The following TRPM8 variants were observed in gnomAD, a reference collection of about 807,000 sequenced individuals.
TRPM8 encodes the protein TRPM8 cationic channel.
In TRPM8, 110 loss-of-function variants were observed where a neutral mutation model predicts 133.7. The ratio of observed to expected loss-of-function variants is 0.82; its 90% CI spans 0.70 to 0.96. The LOEUF (loss-of-function observed/expected upper bound fraction) is 0.96. Among genes scored for constraint, TRPM8 ranks in the 40% least tolerant of loss-of-function variants. The pLI is 0.00. For synonymous variants in TRPM8, 535 were observed against 532.3 expected (o/e 1.01, Z -0.07); for missense variants, 1,291 against 1,379.5 (o/e 0.94, Z 1.02).
At chr2:233,970,512 G>A in intron 17 of TRPM8, 86 bp downstream of exon 17, 1 of 1,327,578 alleles carries the variant, frequency 7.5e-7, no homozygotes, top group Non-Finnish European at 1.1e-6. Flanking sequence ...AGTTGCTTCT[G>A]AAGTTCAAAA....
chr2:233,946,059 A>C (rs1691036548), intron 7 of TRPM8, 29 bp downstream of exon 7: 1 of 1,600,200 alleles, frequency 6.2e-7, no homozygotes. Flanking sequence ...GGACACTAGA[A>C]GTGTACAATA....
intron 11 of TRPM8, among the ~76,000 whole-genome samples, chr2:233,959,018 C>A (rs931067358): frequency 2.8e-5 from 4 of 140,352 alleles, no homozygotes; most frequent in African/African-American, 8.0e-5. Context: ...CTGGTTTTTA[C>A]TCTTTTCTTG....
intron 21 of TRPM8, among the ~76,000 whole-genome samples, chr2:233,986,840 A>G (rs561838848): frequency 1.3e-5 from 2 of 152,350 alleles, no homozygotes; most frequent in Admixed American, 1.3e-4. Flanking sequence ...CAGAGAAAGA[A>G]AAGTCCAATG....
intron 23 of TRPM8, 66 bp from the exon 24 acceptor site, chr2:234,008,004 G>A: frequency 6.8e-7 from 1 of 1,472,060 alleles, no homozygotes; most frequent in Non-Finnish European, 9.4e-7. Context: ...GCAAAATGGA[G>A]CCTAATAGCC....
intron 22 of TRPM8, among the ~76,000 whole-genome samples, chr2:234,000,086 G>GATTTATTATTT (rs1553669211): frequency 1.4e-5 from 2 of 144,166 alleles, no homozygotes; most frequent in Admixed American, 6.9e-5. Flanking sequence ...CAATGTGGAT[G>GATTTATTATTT]ATTTATTTAT....
At chr2:233,927,940 C>CTCTT (rs1553653854) in intron 2 of TRPM8, among the ~76,000 whole-genome samples, 10 of 64,022 alleles carry the variant, frequency 1.6e-4, no homozygotes, top group Non-Finnish European at 1.9e-4. Flanking sequence ...CTCTCTCTCT[C>CTCTT]TCTCTCTCTC....
rs199826128 is a variant in TRPM8 at position 234,008,057 on chromosome 2, A to G, written c.3231-13A>G. On this transcript the variant is annotated splice_polypyrimidine_tract_variant and intron_variant, in intron 23 of 25. Transcript: ENST00000324695. ...TCTCTTGTTCACTTTCTTTTTCATT[A>G]ACTTCTTTGCAGAATGAGGCATCGA... 50 of 1,608,726 alleles carry G rather than the reference A, an allele frequency of 3.1e-5. No individual in the cohort carries two copies. The highest frequency in any genetic ancestry group is 1.7e-4 in the Middle Eastern group (1 of 6,056).
rs1156478392 is a variant in TRPM8, at chr2:233,924,799, CTA to C, written c.-5-1733_-5-1732del. Among the ~76,000 whole-genome samples, 6 of 152,320 alleles carry C rather than the reference CTA, an allele frequency of 3.9e-5. No individual in the cohort carries two copies. In the South Asian group the frequency reaches 8.3e-4, roughly 21 times the overall value. On this transcript the variant is annotated intron_variant, in intron 1 of 25. Coordinates refer to ENST00000324695, the MANE Select transcript of TRPM8 (RefSeq NM_024080.5). ...AAGTCACTTCCTAAGCCTTGGTGCC[CTA>C]CTTAGAAGCAGTTTGCTGTAAGGGA...
chr2:233,944,170 A>T (rs768907240), intron 6 of TRPM8, among the ~76,000 whole-genome samples: 1 of 152,186 alleles, frequency 6.6e-6, no homozygotes, highest in South Asian at 2.1e-4. Flanking sequence ...AGTGAATGGT[A>T]GCTTCTATTA....
intron 18 of TRPM8, 88 bp from the exon 19 acceptor site, chr2:233,981,686 G>C (rs1052581969): frequency 7.9e-6 from 11 of 1,396,922 alleles, no homozygotes; most frequent in Middle Eastern, 2.5e-4. Flanking sequence ...GCTCTTGCCT[G>C]TTTCTTGAAA....
At position 233,985,808 on chromosome 2, in the gene TRPM8, G is replaced by A. The variant is rs1250600746; in HGVS notation, c.2882G>A (p.Cys961Tyr). 6.2e-7 allele frequency: 1 copy of A among 1,614,202 alleles called. No individual in the cohort carries two copies. Among genetic ancestry groups the A allele is most frequent in the Admixed American group, 1.7e-5 (1 of 60,018 alleles). Reference protein sequence around the residue: ...FPEWITIPLVCIYMLSTNILL... With the variant: ...FPEWITIPLVYIYMLSTNILL... ...GAGTGGATCACCATCCCCCTGGTGTGCATCTACATGTTATCCACCAACATC... is the reference window on the plus strand; with the variant it reads ...GAGTGGATCACCATCCCCCTGGTGTACATCTACATGTTATCCACCAACATC... Residue 961 changes from cysteine to tyrosine, a missense_variant, in exon 21 of 26, where the codon TGC becomes TAC. Cys to Tyr is a radical substitution (Grantham distance 194). Coordinates refer to ENST00000324695, the MANE Select transcript of TRPM8 (RefSeq NM_024080.5).
chr2:233,984,578 T>A (rs1692095251), intron 20 of TRPM8, among the ~76,000 whole-genome samples: 1 of 152,166 alleles, frequency 6.6e-6, no homozygotes. Flanking sequence ...AAATGTTTTT[T>A]TGAAATCTGT....
intron 17 of TRPM8, among the ~76,000 whole-genome samples, chr2:233,979,662 T>C (rs1474057808): frequency 1.3e-5 from 2 of 152,232 alleles, no homozygotes; most frequent in African/African-American, 2.4e-5. Context: ...GTCAGTCCTT[T>C]CTGCGACCAC....
intron 4 of TRPM8, 116 bp downstream of exon 4, chr2:233,937,625 C>A: frequency 8.4e-7 from 1 of 1,191,074 alleles, no homozygotes; most frequent in Non-Finnish European, 1.2e-6. Context: ...GTAGTAAACA[C>A]CAAAAACGAT....
At chr2:233,979,729 G>T (rs1691959350) in intron 17 of TRPM8, among the ~76,000 whole-genome samples, 1 of 152,140 alleles carries the variant, frequency 6.6e-6, no homozygotes, top group South Asian at 2.1e-4. Context: ...TTTAAAAAAA[G>T]ATTTCTTTTA....
chr2:233,968,914 AAC>A (rs1691640555), intron 15 of TRPM8, among the ~76,000 whole-genome samples: 1 of 152,128 alleles, frequency 6.6e-6, no homozygotes, highest in Non-Finnish European at 1.5e-5. Flanking sequence ...TCAAGACATC[AAC>A]AGTCTCTCCC....
Position 233,983,032 on chromosome 2 carries a change from TC to T in TRPM8, c.2590-20del. 1 of 1,604,368 alleles carries T rather than the reference TC, an allele frequency of 6.2e-7. No individual in the cohort carries two copies. Among genetic ancestry groups the T allele is most frequent in the Non-Finnish European group, 8.5e-7 (1 of 1,172,542 alleles). On this transcript the variant is annotated intron_variant, in intron 19 of 25. Transcript: ENST00000324695. ...ACTGTGGGCACGGTCCTGACTCCGC[TC>T]TCCTGTCCTCCCCTGACAGCTGATC... is the stretch of plus-strand genomic sequence containing the variant.
At chr2:233,972,783 C>T (rs1255152812) in intron 17 of TRPM8, among the ~76,000 whole-genome samples, 3 of 152,182 alleles carry the variant, frequency 2.0e-5, no homozygotes, top group Non-Finnish European at 4.4e-5. Flanking sequence ...GCCAAGCCCA[C>T]GCCCACCCGG....
At chr2:233,992,908 C>G (rs902423023) in intron 21 of TRPM8, among the ~76,000 whole-genome samples, 6 of 152,088 alleles carry the variant, frequency 3.9e-5, no homozygotes, top group African/African-American at 1.4e-4. Context: ...CTCCCCTTTA[C>G]AGAATTTGAA....
Sources: allele counts gnomAD v4.1 joint callset (sites outside exome capture counted in the v4.1 genomes callset), GRCh38; gene constraint gnomAD v4.1.1; transcripts MANE v1.5; gene names NCBI Gene and HGNC (gene_info 2026-07-23, HGNC 2026-07-21).